FGF20: variants seen among roughly 807,000 people sequenced by gnomAD.
FGF20 encodes the protein fibroblast growth factor 20.
A neutral mutation model predicts 16.7 loss-of-function variants in FGF20; 8 were observed. The ratio of observed to expected loss-of-function variants is 0.48; its 90% confidence interval spans 0.28 to 0.87. The LOEUF (loss-of-function observed/expected upper bound fraction) is 0.87, where lower values mean the gene tolerates loss of function less well. FGF20 is among the 40% of genes least tolerant of loss of function. FGF20 has a pLI of 0.10. For synonymous variants in FGF20, 161 were observed against 118.6 expected (o/e 1.36, Z -2.32); for missense variants, 397 against 281.4 (o/e 1.41, Z -2.94).
chr8:16,996,177 GT>G (rs937031006), intron 1 of FGF20, among the ~76,000 whole-genome samples: 2 of 150,300 alleles, frequency 1.3e-5, no homozygotes, highest in East Asian at 3.9e-4. Context: ...TTGCTTAGTT[GT>G]TTTTTTTTCC....
In FGF20 at chr8:16,995,744, T is replaced by C. The variant is rs1021365248; in HGVS notation, c.301A>G (p.Ile101Val). The C allele has an allele frequency of 1.4e-5, 23 of 1,596,650 alleles. No homozygotes were observed. Among genetic ancestry groups the C allele is most frequent in the Non-Finnish European group, 1.9e-5 (22 of 1,166,724 alleles). ...DHSLFGILEF[I>V]SVAVGLVSIR... ...CTGACCAGTCCCACTGCCACACTGA[T>C]GAATTCCAAGATACCTGCATATGTA... Residue 101 changes from isoleucine to valine, a missense_variant, in exon 2 of 3, where the codon ATC (isoleucine) becomes GTC (valine). Coordinates refer to ENST00000180166, the MANE Select transcript of FGF20 (RefSeq NM_019851.3).
chr8:16,999,785 C>A (rs1810141156), intron 1 of FGF20, among the ~76,000 whole-genome samples: 2 of 150,994 alleles, frequency 1.3e-5, no homozygotes, highest in African/African-American at 4.9e-5. Flanking sequence ...ATGATCCACC[C>A]GCCTCGGCCT....
At chr8:16,998,173 G>C (rs1296885470) in intron 1 of FGF20, among the ~76,000 whole-genome samples, 2 of 152,152 alleles carry the variant, frequency 1.3e-5, no homozygotes, top group African/African-American at 4.8e-5. Flanking sequence ...TCTTAATGCT[G>C]TCAGCTTGCC....
chr8:16,993,015 A>T lies in FGF20; in HGVS notation c.*57T>A. ...CTTGGGTCATTATTTTATGATGGGA[A>T]CTATGACAAGAAAGAATGGTTGTGG... On this transcript the variant is annotated 3_prime_UTR_variant, in exon 3 of 3. Transcript: ENST00000180166. 1.3e-6 allele frequency: 2 copies of T among 1,572,774 alleles called. No homozygotes were observed. Among genetic ancestry groups the T allele is most frequent in the Non-Finnish European group, 1.7e-6 (2 of 1,159,260 alleles).
In FGF20 at chr8:16,993,046, C is replaced by G. The variant is rs377266598; in HGVS notation, c.*26G>C. ...ACAAGAAAGAATGGTTGTGGTTTGA[C>G]TCTTCCATAATGTCACTATCGCACT... On this transcript the variant is annotated 3_prime_UTR_variant, in exon 3 of 3. Coordinates refer to ENST00000180166, the MANE Select transcript of FGF20 (RefSeq NM_019851.3). The G allele has an allele frequency of 9.3e-6, 15 of 1,605,296 alleles. No individual in the cohort carries two copies. The highest frequency in any genetic ancestry group is 1.3e-5 in the Non-Finnish European group (15 of 1,175,734).
At position 16,992,908 on chromosome 8, in the gene FGF20, AT is replaced by A. The variant is rs1170334580; in HGVS notation, c.*163del. On this transcript the variant is annotated 3_prime_UTR_variant, in exon 3 of 3. Coordinates refer to ENST00000180166, the MANE Select transcript of FGF20 (RefSeq NM_019851.3). ...TGATCATGATCTATTTCTAGTCAAA[AT>A]TTTTTTTGGTTTTTTTTCTCAATAT... 5.5e-5 allele frequency: 43 copies of A among 786,136 alleles called. No homozygotes were observed. The highest frequency in any genetic ancestry group is 2.7e-4 in the Middle Eastern group (1 of 3,664). 48.7% of individuals were successfully genotyped at this position (786,136 alleles called of 1,614,324 possible). A position where few individuals can be genotyped will look rare whatever the true frequency, so the allele number is the denominator to read the frequency against.
intron 1 of FGF20, among the ~76,000 whole-genome samples, chr8:17,000,816 A>G (rs1334232067): frequency 6.6e-6 from 1 of 151,982 alleles, no homozygotes; most frequent in Non-Finnish European, 1.5e-5. Flanking sequence ...ACACTGCCTT[A>G]ACAATCATTC....
intron 1 of FGF20, among the ~76,000 whole-genome samples, chr8:17,001,304 A>G (rs979097058): frequency 6.6e-6 from 1 of 152,116 alleles, no homozygotes; most frequent in South Asian, 2.1e-4. Flanking sequence ...TAATTTTTGT[A>G]AAGTGGACGG....
In FGF20 at chr8:16,993,137, A is replaced by G. The variant is rs370810066; in HGVS notation, c.571T>C (p.Leu191=). Residue 191 remains leucine (L), a synonymous_variant, in exon 3 of 3, where the codon TTA becomes CTA. Transcript: ENST00000180166. Reference sequence around the variant, plus strand: ...CTTTCTGGATCCACTGGTCTAGGTAAGAAATGTGTAAATTTCTGATGCCTC... The same window carrying G: ...CTTTCTGGATCCACTGGTCTAGGTAGGAAATGTGTAAATTTCTGATGCCTC... ...SKRHQKFTHF[L]PRPVDPERVP... is the part of the protein sequence containing the mutation. 9 of 1,614,004 alleles carry G rather than the reference A, an allele frequency of 5.6e-6. No homozygotes were observed. The highest frequency in any genetic ancestry group is 4.0e-5 in the African/African-American group (3 of 74,910).
Position 17,002,274 on chromosome 8 carries a change from G to T in FGF20, c.-242C>A. The T allele has an allele frequency of 2.3e-6, 1 of 439,950 alleles. No individual in the cohort carries two copies. Among genetic ancestry groups the T allele is most frequent in the Non-Finnish European group, 3.9e-6 (1 of 254,412 alleles). 27.3% of individuals were successfully genotyped at this position (439,950 alleles called of 1,614,324 possible). ...TGCTGGCTCTGCAGAAATATCTATAGCTGCCGCTGCCAATACTAGGACTAG... is the reference window on the plus strand; with the variant it reads ...TGCTGGCTCTGCAGAAATATCTATATCTGCCGCTGCCAATACTAGGACTAG... On this transcript the variant is annotated 5_prime_UTR_variant, in exon 1 of 3. Transcript: ENST00000180166.
chr8:16,993,485 T>G (rs1002781234), intron 2 of FGF20, among the ~76,000 whole-genome samples, 168 bp from the exon 3 acceptor site: 7 of 152,228 alleles, frequency 4.6e-5, no homozygotes, highest in Non-Finnish European at 1.5e-5. Context: ...TGATTCTTAG[T>G]GCAGGTGACT....
At chr8:16,995,880 G>A (rs1010566646) in intron 1 of FGF20, 122 bp from the exon 2 acceptor site, 11 of 548,734 alleles carry the variant, frequency 2.0e-5, no homozygotes, top group East Asian at 8.5e-5. Context: ...AATGATGTAC[G>A]TGTAAAAGTC....
At position 17,002,098 on chromosome 8, in the gene FGF20, T is replaced by C. The variant is rs901650548; in HGVS notation, c.-66A>G. On this transcript the variant is annotated 5_prime_UTR_variant, in exon 1 of 3. Transcript: ENST00000180166. ...GAGTGTTGTGGGGGTGGGATGGAGG[T>C]GGATAGAGAAAAATTATAGCAAAAC... is the stretch of plus-strand genomic sequence containing the variant. 4 of 1,432,344 alleles carry C rather than the reference T, an allele frequency of 2.8e-6. No homozygotes were observed. Among genetic ancestry groups the C allele is most frequent in the Non-Finnish European group, 3.7e-6 (4 of 1,092,812 alleles). 88.7% of individuals were successfully genotyped at this position (1,432,344 alleles called of 1,614,324 possible). A position where few individuals can be genotyped will look rare whatever the true frequency, so the allele number is the denominator to read the frequency against.
chr8:16,995,969 T>C (rs1377018443), intron 1 of FGF20, among the ~76,000 whole-genome samples: 10 of 152,164 alleles, frequency 6.6e-5, no homozygotes, highest in Admixed American at 3.3e-4. Flanking sequence ...TTGTTCACCA[T>C]GGTGAGACAA....
chr8:16,997,965 A>G lies in FGF20; in HGVS notation c.287-2207T>C, dbSNP rs987015724. On this transcript the variant is annotated intron_variant, in intron 1 of 2. Coordinates refer to ENST00000180166, the MANE Select transcript of FGF20 (RefSeq NM_019851.3). ...AAATGCAACTTAATTCCCTTTAAGT[A>G]TCTGATTTACATTAAGATTCTCTTG... 4.2e-5 allele frequency among the ~76,000 whole-genome samples: 6 copies of G among 143,482 alleles called. No individual in the cohort carries two copies. In the East Asian group the frequency reaches 6.4e-4, roughly 15 times the overall value. The allele number at this position is 143,482 out of a possible 152,430, so 94.1% of individuals were successfully genotyped here.
chr8:16,998,429 AATC>A (rs544683721), intron 1 of FGF20, among the ~76,000 whole-genome samples: 110 of 152,320 alleles, frequency 7.2e-4, no homozygotes, highest in African/African-American at 2.6e-3. Flanking sequence ...AGTAATTTGT[AATC>A]ATTTGATTCT....
chr8:16,994,050 G>C (rs1274032931), intron 2 of FGF20, among the ~76,000 whole-genome samples: 2 of 152,232 alleles, frequency 1.3e-5, no homozygotes, highest in East Asian at 3.9e-4. Flanking sequence ...GGGGACCCCT[G>C]CTTTAAAGAA....
chr8:16,993,571 T>C (rs1443234856), intron 2 of FGF20, among the ~76,000 whole-genome samples: 1 of 152,198 alleles, frequency 6.6e-6, no homozygotes, highest in Non-Finnish European at 1.5e-5. Flanking sequence ...AAGACAATTT[T>C]TCCACGGACC....
Position 17,001,824 on chromosome 8 carries a change from T to C in FGF20, c.209A>G (p.Tyr70Cys). 2 of 1,541,618 alleles carry C rather than the reference T, an allele frequency of 1.3e-6. No homozygotes were observed. Among genetic ancestry groups the C allele is most frequent in the East Asian group, 2.7e-5 (1 of 36,964 alleles). ...CTGCAGGTGGAAGCCGGTGCGGCAATAGAGCTGCCGGCGGCGCAGGATGCC... is the reference window on the plus strand; with the variant it reads ...CTGCAGGTGGAAGCCGGTGCGGCAACAGAGCTGCCGGCGGCGCAGGATGCC... ...LHGILRRRQL[Y>C]CRTGFHLQIL... The change falls in exon 1 of 3, where the codon TAT becomes TGT. Residue 70 changes from tyrosine to cysteine, a missense_variant. Tyr to Cys is a radical substitution (Grantham distance 194). Transcript: ENST00000180166.
Sources: gnomAD v4.1 joint callset for allele counts (sites outside exome capture counted in the v4.1 genomes callset) on GRCh38, gnomAD v4.1.1 for gene constraint, MANE v1.5 for transcripts, NCBI Gene and HGNC (gene_info 2026-07-23, HGNC 2026-07-21) for gene names.